SATB2: variants seen among roughly 807,000 people sequenced by gnomAD.
The protein encoded by SATB2 is SATB homeobox 2.
A neutral mutation model predicts 73.4 loss-of-function variants in SATB2; 1 was observed. The observed-to-expected ratio is 0.01, with a 90% CI of 0.00 to 0.06. The LOEUF (loss-of-function observed/expected upper bound fraction) is 0.06. Ranked by LOEUF, SATB2 falls within the 10% of genes least tolerant of loss-of-function variation. The probability of loss-of-function intolerance (pLI) is 1.00; values close to 1 mark genes in which losing one functional copy is unlikely to be tolerated. For missense variants in SATB2, 459 were observed against 945.8 expected (o/e 0.49, Z 6.75); for synonymous variants, 397 against 367.0 (o/e 1.08, Z -0.93).
chr2:199,450,015 T>C (rs2105949419), intron 2 of SATB2, among the ~76,000 whole-genome samples: 1 of 152,252 alleles, frequency 6.6e-6, no homozygotes, highest in South Asian at 2.1e-4. Context: ...CTCTGTTTTT[T>C]CCAAAAAATA....
intron 3 of SATB2, among the ~76,000 whole-genome samples, chr2:199,429,367 T>C (rs930758498): frequency 2.0e-5 from 3 of 152,212 alleles, no homozygotes; most frequent in Non-Finnish European, 4.4e-5. Flanking sequence ...CCTTCTTCCA[T>C]GCATATATGT....
chr2:199,409,246 C>A (rs1206717450), intron 3 of SATB2, among the ~76,000 whole-genome samples: 1 of 143,806 alleles, frequency 7.0e-6, no homozygotes. Context: ...CTCAGCTCAC[C>A]ACAACCTCCG....
intron 4 of SATB2, among the ~76,000 whole-genome samples, chr2:199,381,345 T>C (rs2105867278): frequency 6.6e-6 from 1 of 152,280 alleles, no homozygotes. Flanking sequence ...TGTTTATTCT[T>C]CAAATACTAT....
chr2:199,456,669 C>T (rs1692284770), intron 1 of SATB2, among the ~76,000 whole-genome samples: 1 of 152,188 alleles, frequency 6.6e-6, no homozygotes, highest in Non-Finnish European at 1.5e-5. Context: ...AAAATCAACC[C>T]TAATTCCACA....
At chr2:199,342,686 A>G (rs1688540943) in intron 7 of SATB2, among the ~76,000 whole-genome samples, 1 of 152,210 alleles carries the variant, frequency 6.6e-6, no homozygotes, top group African/African-American at 2.4e-5. Context: ...AGCAAACCAA[A>G]AGAGAAATGT....
chr2:199,355,342 G>GTATA (rs1249092587), intron 6 of SATB2, among the ~76,000 whole-genome samples: 2 of 5,422 alleles, frequency 3.7e-4, no homozygotes, highest in African/African-American at 4.1e-4. Context: ...GTGTGTGTGT[G>GTATA]TGTATCTATA....
At chr2:199,435,281 T>G (rs1691618921) in intron 2 of SATB2, among the ~76,000 whole-genome samples, 1 of 152,236 alleles carries the variant, frequency 6.6e-6, no homozygotes, top group Admixed American at 6.5e-5. Context: ...TATGAAATGC[T>G]TATTTATTTA....
Position 199,322,155 on chromosome 2 carries a change from C to T in SATB2, c.1542+1648G>A, listed in dbSNP as rs111562839. 4.9e-3 allele frequency among the ~76,000 whole-genome samples: 752 copies of T among 152,322 alleles called. 4 individuals are homozygous for T. Among genetic ancestry groups the T allele is most frequent in the African/African-American group, 0.017 (709 of 41,590 alleles). ...GATTACAGGCTTTTGGAATCAAGTT[C>T]TCAGACTGTGGTCTTCAGTTTTTCT... On this transcript the variant is annotated intron_variant, in intron 9 of 10. Transcript: ENST00000417098.
intron 9 of SATB2, among the ~76,000 whole-genome samples, chr2:199,323,508 C>CATAT (rs3048313): frequency 1.5e-4 from 21 of 144,348 alleles, no homozygotes; most frequent in African/African-American, 5.1e-4. Flanking sequence ...CACACACACA[C>CATAT]ATATATAAAG....
chr2:199,460,015 G>C (rs1043885675), upstream of SATB2: 4 of 152,216 alleles, frequency 2.6e-5, no homozygotes, highest in Non-Finnish European at 5.9e-5. This position sits in a 1 kb window ranked among gnomAD's most constrained non-coding sequence, Gnocchi z 4.0. Context: ...TTCCAAAGAA[G>C]TCCGAGGCGA....
chr2:199,400,092 C>T (rs1404305726), intron 3 of SATB2, among the ~76,000 whole-genome samples: 1 of 152,186 alleles, frequency 6.6e-6, no homozygotes, highest in African/African-American at 2.4e-5. Flanking sequence ...TGAGACCCAA[C>T]TCAAACAGTA....
intron 6 of SATB2, among the ~76,000 whole-genome samples, chr2:199,361,758 T>TATCAACATTTGGTGTCACTACCC (rs1689144188): frequency 1.5e-5 from 2 of 137,074 alleles, no homozygotes; most frequent in East Asian, 2.0e-4. Flanking sequence ...CAACCATTTC[T>TATCAACATTTGGTGTCACTACCC]TTTTTTTTTT....
intron 3 of SATB2, among the ~76,000 whole-genome samples, chr2:199,383,387 G>A (rs960709921): frequency 6.6e-6 from 1 of 152,196 alleles, no homozygotes; most frequent in Non-Finnish European, 1.5e-5. Flanking sequence ...ACCCACGAGA[G>A]AGTGGGTCTG....
chr2:199,334,033 T>C (rs533846444), intron 7 of SATB2, among the ~76,000 whole-genome samples: 1 of 152,120 alleles, frequency 6.6e-6, no homozygotes, highest in Non-Finnish European at 1.5e-5. Context: ...GCTCATCTAT[T>C]TACTAAAACA....
intron 8 of SATB2, among the ~76,000 whole-genome samples, chr2:199,324,440 C>A (rs986238612): frequency 6.6e-6 from 1 of 152,058 alleles, no homozygotes; most frequent in Non-Finnish European, 1.5e-5. Context: ...ATATGTCATT[C>A]GAGTATGTAT....
rs891101818 is a variant in SATB2, at chr2:199,463,507, C to A, written c.-141+1329G>T. On this transcript the variant is annotated intron_variant, in intron 1 of 11. Transcript: ENST00000260926. The surrounding 1 kb of genome is among the most constrained non-coding windows in gnomAD (Gnocchi z 6.4). ...CGGCTTGGCGTCAATGTCCCGCCAC[C>A]CTCGAGCCCGGGTCACTGCCCGGGT... Among the ~76,000 whole-genome samples the A allele has an allele frequency of 6.6e-6, 1 of 152,196 alleles. No individual in the cohort carries two copies. The highest frequency in any genetic ancestry group is 1.9e-4 in the East Asian group (1 of 5,162).
At chr2:199,357,617 T>C (rs919260650) in intron 6 of SATB2, among the ~76,000 whole-genome samples, 4 of 152,190 alleles carry the variant, frequency 2.6e-5, no homozygotes, top group Admixed American at 1.3e-4. Flanking sequence ...AGATAGCTCC[T>C]TTAAATTCCT....
chr2:199,278,850 A>T (rs934718073), intron 10 of SATB2, among the ~76,000 whole-genome samples: 14 of 152,240 alleles, frequency 9.2e-5, no homozygotes, highest in Non-Finnish European at 1.8e-4. Context: ...AGAGGTGTTC[A>T]TCATATCTAA....
chr2:199,342,223 C>T (rs1031050885), intron 7 of SATB2, among the ~76,000 whole-genome samples: 3 of 152,088 alleles, frequency 2.0e-5, no homozygotes, highest in African/African-American at 7.2e-5. Context: ...CTGCCTGAGG[C>T]TCCTCCAGTG....
Sources: allele counts gnomAD v4.1 joint callset (sites outside exome capture counted in the v4.1 genomes callset), GRCh38; gene constraint gnomAD v4.1.1; non-coding constraint Gnocchi (gnomAD v3.1); transcripts MANE v1.5; gene names NCBI Gene and HGNC (gene_info 2026-07-23, HGNC 2026-07-21).